The following NOL4L variants were observed in gnomAD, a reference collection of about 807,000 sequenced individuals.
The protein encoded by NOL4L is nucleolar protein 4-like.
NOL4L carries 7 observed loss-of-function variants against 64.5 expected under a neutral mutation model. That is an observed-to-expected ratio of 0.11 (90% CI 0.06 to 0.20). The LOEUF is 0.20. NOL4L is among the 10% of genes least tolerant of loss of function. NOL4L has a pLI of 1.00. For synonymous variants in NOL4L, 413 were observed against 401.0 expected (o/e 1.03, Z -0.36); for missense variants, 680 against 967.1 (o/e 0.70, Z 3.94).
At chr20:32,489,989 C>T (rs574365249) in intron 4 of NOL4L, among the ~76,000 whole-genome samples, 5 of 151,014 alleles carry the variant, frequency 3.3e-5, no homozygotes, top group African/African-American at 9.8e-5. Context: ...ATTAGCTGGG[C>T]GTGGTGGTGC....
intron 4 of NOL4L, among the ~76,000 whole-genome samples, chr20:32,503,913 T>C (rs2017025329): frequency 1.3e-5 from 2 of 152,184 alleles, no homozygotes; most frequent in African/African-American, 2.4e-5. Flanking sequence ...TTCCTTTTTG[T>C]GTCATTTTGA....
chr20:32,473,136 T>C (rs1279636579), intron 5 of NOL4L, among the ~76,000 whole-genome samples: 1 of 152,148 alleles, frequency 6.6e-6, no homozygotes, highest in African/African-American at 2.4e-5. Context: ...TGAGATCTGC[T>C]TGGGAATGAG....
At chr20:32,488,828 T>TCC (rs1555796680) in intron 4 of NOL4L, among the ~76,000 whole-genome samples, 4 of 7,598 alleles carry the variant, frequency 5.3e-4, no homozygotes, top group African/African-American at 1.7e-3. Flanking sequence ...TTTCTTTCTT[T>TCC]TTCTTTCTTT....
chr20:32,480,728 C>T lies in NOL4L; in HGVS notation c.700-5986G>A, dbSNP rs376060272. 4.0e-4 allele frequency among the ~76,000 whole-genome samples: 61 copies of T among 152,260 alleles called. No individual in the cohort carries two copies. The South Asian group carries it at 8.3e-3, about 21-fold the overall frequency. On this transcript the variant is annotated intron_variant, in intron 4 of 10. Transcript: ENST00000621426. ...CATCAGATGGCTTATTAATGGAAGA[C>T]GAAAAACCCCCAGCATCTAAAGCAA...
At chr20:32,493,851 G>T (rs2016562687) in intron 4 of NOL4L, among the ~76,000 whole-genome samples, 1 of 152,104 alleles carries the variant, frequency 6.6e-6, no homozygotes, top group Non-Finnish European at 1.5e-5. Context: ...TCCCTACCCT[G>T]ACTGTTGCTT....
intron 10 of NOL4L, among the ~76,000 whole-genome samples, chr20:32,449,401 G>A (rs1056179482): frequency 1.3e-5 from 2 of 152,250 alleles, no homozygotes; most frequent in African/African-American, 4.8e-5. Context: ...ATCCAGACTG[G>A]AAGTAACATC....
intron 4 of NOL4L, among the ~76,000 whole-genome samples, chr20:32,498,766 TAAA>T (rs34083852): frequency 6.8e-4 from 67 of 99,008 alleles, no homozygotes; most frequent in African/African-American, 1.8e-3. Flanking sequence ...CCTGTCTCAA[TAAA>T]AAAAAAAAAA....
At chr20:32,497,421 CA>C (rs1284083333) in intron 4 of NOL4L, among the ~76,000 whole-genome samples, 2 of 152,172 alleles carry the variant, frequency 1.3e-5, no homozygotes, top group African/African-American at 2.4e-5. Flanking sequence ...GCCTGAGTTT[CA>C]GTGCCTTAAG....
intron 9 of NOL4L, 50 bp downstream of exon 9, chr20:32,452,834 C>T (rs1438980147): frequency 6.2e-7 from 1 of 1,608,070 alleles, no homozygotes; most frequent in Admixed American, 1.7e-5. Context: ...AAGGCCTGCC[C>T]TCCCTGGCTG....
At chr20:32,574,283 A>C (rs772391965) in intron 1 of NOL4L, among the ~76,000 whole-genome samples, 1 of 152,166 alleles carries the variant, frequency 6.6e-6, no homozygotes, top group Non-Finnish European at 1.5e-5. Flanking sequence ...CCACGAGTTA[A>C]ACATTTCACA....
intron 1 of NOL4L, among the ~76,000 whole-genome samples, chr20:32,580,428 C>G (rs562000079): frequency 6.6e-6 from 1 of 152,180 alleles, no homozygotes; most frequent in Non-Finnish European, 1.5e-5. Flanking sequence ...GACCAGCGGC[C>G]GCAGGTGCCA....
intron 1 of NOL4L, among the ~76,000 whole-genome samples, chr20:32,537,998 C>T (rs912017416): frequency 1.3e-5 from 2 of 152,116 alleles, no homozygotes; most frequent in East Asian, 3.9e-4. Flanking sequence ...AGGCTGGTCT[C>T]GAACTCCTGG....
At chr20:32,528,763 C>T (rs1292017297) in intron 1 of NOL4L, among the ~76,000 whole-genome samples, 1 of 152,234 alleles carries the variant, frequency 6.6e-6, no homozygotes, top group Non-Finnish European at 1.5e-5. Context: ...CTGCTCCGTG[C>T]AGGCAGTCCT....
At chr20:32,486,694 A>G in intron 4 of NOL4L, 1 of 468,228 alleles carries the variant, frequency 2.1e-6, no homozygotes, top group Non-Finnish European at 4.4e-6. Context: ...AAGAAAATGT[A>G]CCTGCAATGG....
intron 4 of NOL4L, among the ~76,000 whole-genome samples, chr20:32,488,827 T>C (rs1742979): frequency 0.08 from 2,635 of 33,052 alleles, 285 homozygotes; most frequent in Middle Eastern, 0.11. Flanking sequence ...CTTTCTTTCT[T>C]TTTCTTTCTT....
intron 4 of NOL4L, among the ~76,000 whole-genome samples, chr20:32,488,826 TTTTTCTTTCTTTCTTTC>T (rs2016292572): frequency 1.4e-4 from 2 of 14,530 alleles, no homozygotes; most frequent in Admixed American, 1.7e-3. Context: ...TCTTTCTTTC[TTTTTCTTTCTTTCTTTC>T]TTTCTTTCTT....
chr20:32,521,931 C>G (rs1204191312), intron 2 of NOL4L, among the ~76,000 whole-genome samples: 1 of 152,250 alleles, frequency 6.6e-6, no homozygotes, highest in Non-Finnish European at 1.5e-5. Flanking sequence ...CGCCGCAGCC[C>G]GCAGCCGGGC....
intron 1 of NOL4L, among the ~76,000 whole-genome samples, chr20:32,554,061 C>T (rs977350230): frequency 3.3e-5 from 5 of 152,174 alleles, no homozygotes; most frequent in Non-Finnish European, 7.3e-5. Context: ...TGGCTCACAC[C>T]TGTAATCCCA....
chr20:32,563,235 T>A (rs1469459991), intron 1 of NOL4L, among the ~76,000 whole-genome samples: 1 of 19,046 alleles, frequency 5.3e-5, no homozygotes, highest in Non-Finnish European at 1.0e-4. Context: ...GGAGGGAGAG[T>A]GGGGAGGGAG....
Sources: gnomAD v4.1 joint callset for allele counts (sites outside exome capture counted in the v4.1 genomes callset) on GRCh38, gnomAD v4.1.1 for gene constraint, MANE v1.5 for transcripts, NCBI Gene and HGNC (gene_info 2026-07-23, HGNC 2026-07-21) for gene names.